The following MTMR1 variants were observed in gnomAD, a reference collection of about 807,000 sequenced individuals.
MTMR1 encodes the protein phosphatidylinositol-3-phosphate phosphatase MTMR1.
A neutral mutation model predicts 51.6 loss-of-function variants in MTMR1; 17 were observed. The observed-to-expected ratio is 0.33, with a 90% CI of 0.23 to 0.49. The LOEUF (loss-of-function observed/expected upper bound fraction) is 0.49, where lower values mean the gene tolerates loss of function less well. Ranked by LOEUF, MTMR1 falls within the 20% of genes least tolerant of loss-of-function variation. MTMR1 has a pLI of 0.99. For synonymous variants in MTMR1, 201 were observed against 205.6 expected, an observed-to-expected ratio of 0.98 and a Z score of 0.19; for missense variants, 386 against 526.9, an observed-to-expected ratio of 0.73 and a Z score of 2.62.
chrX:150,744,237 C>A, intron 12 of MTMR1, 124 bp from the exon 13 acceptor site: 1 of 432,021 alleles, frequency 2.3e-6, no homozygotes, highest in Non-Finnish European at 3.9e-6. Context: ...TTTTGAGTGC[C>A]TGTTATGTGC....
At chrX:150,695,344 T>C (rs782067540) in intron 1 of MTMR1, among the ~76,000 whole-genome samples, 24 of 111,755 alleles carry the variant, frequency 2.1e-4, no homozygotes, top group Non-Finnish European at 4.3e-4. Flanking sequence ...CTCTCCATGG[T>C]GCTATGTGGA....
chrX:150,713,748 A>G (rs1358651104), intron 3 of MTMR1, among the ~76,000 whole-genome samples: 1 of 112,181 alleles, frequency 8.9e-6, no homozygotes, highest in African/African-American at 3.2e-5. Context: ...TAAGAACAGT[A>G]TACCTTTAAA....
At chrX:150,720,480 A>C (rs2041710284) in intron 4 of MTMR1, among the ~76,000 whole-genome samples, 1 of 112,143 alleles carries the variant, frequency 8.9e-6, no homozygotes. Context: ...TTATTGCTGG[A>C]TAGAATTCCA....
intron 12 of MTMR1, among the ~76,000 whole-genome samples, chrX:150,738,809 G>C (rs782716101): frequency 7.2e-5 from 8 of 111,820 alleles, no homozygotes; most frequent in African/African-American, 2.6e-4. Flanking sequence ...GAATGTTCAG[G>C]CCTCAATTTT....
intron 13 of MTMR1, among the ~76,000 whole-genome samples, chrX:150,750,211 GA>G (rs782604969): frequency 8.9e-6 from 1 of 111,924 alleles, no homozygotes; most frequent in Non-Finnish European, 1.9e-5. Context: ...AATAGATGCA[GA>G]GCTATTCGGA....
chrX:150,699,346 C>T, intron 2 of MTMR1, 46 bp downstream of exon 2: 1 of 951,378 alleles, frequency 1.1e-6, no homozygotes, highest in South Asian at 2.2e-5. Context: ...TGCTAAGTAG[C>T]CAAGAAGCTT....
At chrX:150,693,772 C>T in intron 1 of MTMR1, 96 bp downstream of exon 1, 1 of 600,489 alleles carries the variant, frequency 1.7e-6, no homozygotes, top group Non-Finnish European at 2.0e-6. Flanking sequence ...CTGCGCAGGG[C>T]CTGGCGGTGG....
At chrX:150,718,825 T>G in intron 4 of MTMR1, 125 bp downstream of exon 4, 1 of 600,493 alleles carries the variant, frequency 1.7e-6, no homozygotes, top group Non-Finnish European at 2.6e-6. Context: ...ACAAATGGAC[T>G]AGATCTATTC....
intron 15 of MTMR1, among the ~76,000 whole-genome samples, chrX:150,757,346 A>G (rs2042933809): frequency 8.9e-6 from 1 of 112,437 alleles, no homozygotes; most frequent in Non-Finnish European, 1.9e-5. Flanking sequence ...TTTGCCCTCT[A>G]CCACAGACCA....
chrX:150,723,996 A>C (rs2041843989), intron 4 of MTMR1, among the ~76,000 whole-genome samples: 1 of 112,170 alleles, frequency 8.9e-6, no homozygotes, highest in African/African-American at 3.2e-5. Flanking sequence ...GGGCATTTAG[A>C]TTGATTCCAT....
intron 3 of MTMR1, among the ~76,000 whole-genome samples, chrX:150,713,797 G>A (rs977372522): frequency 5.4e-5 from 6 of 111,518 alleles, no homozygotes; most frequent in Admixed American, 9.5e-5. Flanking sequence ...CCTTTTAGCT[G>A]TTTCTTGGAA....
At chrX:150,742,053 A>G (rs2042437871) in intron 12 of MTMR1, among the ~76,000 whole-genome samples, 2 of 112,539 alleles carry the variant, frequency 1.8e-5, no homozygotes, top group African/African-American at 6.5e-5. Flanking sequence ...AAGCAACCCC[A>G]GTGTCCATCA....
At chrX:150,755,629 A>G in intron 14 of MTMR1, 60 bp from the exon 15 acceptor site, 1 of 908,339 alleles carries the variant, frequency 1.1e-6, no homozygotes, top group Non-Finnish European at 1.5e-6. Context: ...TCTCGGTGTA[A>G]TACTAATTCT....
rs1557416835 is a variant in MTMR1 at position 150,727,798 on chromosome X, T to C, written c.555+7T>C. On this transcript the variant is annotated splice_region_variant and intron_variant, in intron 6 of 15. Coordinates refer to ENST00000445323, the MANE Select transcript of MTMR1 (RefSeq NM_001306144.3). ...TATAGAGATAGTGTGCAAGGTATAA[T>C]AGAAACGCCAAGTGAAAACTAAAAG... 8.6e-7 allele frequency: 1 copy of C among 1,168,424 alleles called. No homozygotes were observed. Among genetic ancestry groups the C allele is most frequent in the South Asian group, 1.9e-5 (1 of 53,708 alleles).
intron 13 of MTMR1, 102 bp downstream of exon 13, chrX:150,744,555 A>G (rs2042523331): frequency 6.1e-6 from 4 of 656,487 alleles, no homozygotes; most frequent in South Asian, 2.9e-5. Context: ...TGTGTAAAAT[A>G]TGACCCCATT....
At chrX:150,748,311 G>A (rs1219484424) in intron 13 of MTMR1, among the ~76,000 whole-genome samples, 1 of 111,833 alleles carries the variant, frequency 8.9e-6, no homozygotes, top group Admixed American at 9.5e-5. Context: ...GTAAACATTT[G>A]TTTTTAAAAG....
At chrX:150,760,150 C>T (rs782424077) in intron 15 of MTMR1, among the ~76,000 whole-genome samples, 1 of 108,909 alleles carries the variant, frequency 9.2e-6, no homozygotes, top group Non-Finnish European at 2.0e-5. Context: ...ACATGGGCCG[C>T]AGCTTGTTAT....
intron 3 of MTMR1, among the ~76,000 whole-genome samples, chrX:150,715,629 C>G (rs2041482825): frequency 8.9e-6 from 1 of 112,297 alleles, no homozygotes; most frequent in African/African-American, 3.2e-5. Flanking sequence ...ATCTACTATA[C>G]TCACCAAAGC....
chrX:150,738,304 T>C (rs914293530), intron 12 of MTMR1, among the ~76,000 whole-genome samples: 4 of 112,212 alleles, frequency 3.6e-5, no homozygotes, highest in African/African-American at 1.3e-4. Context: ...GTGACAAATA[T>C]CAAATTTTCA....
Sources: gnomAD v4.1 joint callset for allele counts (sites outside exome capture counted in the v4.1 genomes callset) on GRCh38, gnomAD v4.1.1 for gene constraint, MANE v1.5 for transcripts, NCBI Gene and HGNC (gene_info 2026-07-23, HGNC 2026-07-21) for gene names.